Variants in PDE4D observed in about 807,000 individuals in gnomAD.
PDE4D encodes phosphodiesterase 4D.
A neutral mutation model predicts 87.4 loss-of-function variants in PDE4D; 24 were observed. The ratio of observed to expected loss-of-function variants is 0.27; its 90% CI spans 0.20 to 0.39. The LOEUF is 0.39. Ranked by LOEUF, PDE4D falls within the 10% of genes least tolerant of loss-of-function variation. PDE4D has a pLI of 1.00. For missense variants in PDE4D, 714 were observed against 1,041.0 expected (o/e 0.69, Z 4.32); for synonymous variants, 384 against 383.2 (o/e 1.00, Z -0.02).
chr5:59,183,475 T>C (rs562890880), intron 4 of PDE4D, among the ~76,000 whole-genome samples: 3 of 152,312 alleles, frequency 2.0e-5, no homozygotes, highest in Admixed American at 2.0e-4. Flanking sequence ...GCCACAGATT[T>C]AAATGCTGGT....
chr5:59,748,382 C>G (rs1008303881), intron 1 of PDE4D, among the ~76,000 whole-genome samples: 3 of 152,088 alleles, frequency 2.0e-5, no homozygotes, highest in African/African-American at 7.2e-5. Flanking sequence ...TTCACAATAG[C>G]AAAGACTTGG....
Position 58,989,915 on chromosome 5 carries a change from C to T in PDE4D, c.1292G>A (p.Arg431Gln), listed in dbSNP as rs767902478. Residue 431 changes from arginine to glutamine, a missense_variant, in exon 10 of 15, where the codon CGG becomes CAG. Arg to Gln is a conservative substitution (Grantham distance 43). Transcript: ENST00000340635. Reference protein sequence around the residue: ...TVIMHTIFQERDLLKTFKIPV... With the variant: ...TVIMHTIFQEQDLLKTFKIPV... Reference sequence around the variant, plus strand: ...AATTTTAAATGTTTTTAATAAATCCCGTTCCTGTAGGAAAAAAAATCATCT... The same window carrying T: ...AATTTTAAATGTTTTTAATAAATCCTGTTCCTGTAGGAAAAAAAATCATCT... 1.3e-6 allele frequency: 2 copies of T among 1,512,070 alleles called. No individual in the cohort carries two copies. The highest frequency in any genetic ancestry group is 1.8e-6 in the Non-Finnish European group (2 of 1,098,832). The allele number at this position is 1,512,070 out of a possible 1,614,324, so 93.7% of individuals were successfully genotyped here.
intron 5 of PDE4D, chr5:59,039,305 G>T (rs1203793744): frequency 1.9e-6 from 2 of 1,056,414 alleles, no homozygotes; most frequent in Non-Finnish European, 2.3e-6. Flanking sequence ...GCGGGCCCGA[G>T]TCCCAGTCCA....
At chr5:59,159,066 C>A (rs546163971) in intron 5 of PDE4D, among the ~76,000 whole-genome samples, 1 of 152,204 alleles carries the variant, frequency 6.6e-6, no homozygotes, top group South Asian at 2.1e-4. Flanking sequence ...ACAAAAATAC[C>A]ATGTTTGCTG....
At position 59,892,551 on chromosome 5, in the gene PDE4D, CTCCAA is replaced by C. The variant is rs535869420; in HGVS notation, c.455+612_455+616del. Among the ~76,000 whole-genome samples the C allele has an allele frequency of 6.7e-4, 94 of 141,282 alleles. 1 individual carries two copies. The South Asian group carries it at 0.016, about 24-fold the overall frequency. 92.7% of individuals were successfully genotyped at this position (141,282 alleles called of 152,430 possible). A position where few individuals can be genotyped will look rare whatever the true frequency, so the allele number is the denominator to read the frequency against. ...ATTGCTGAACATTTTGCTCCAAACT[CTCCAA>C]GTCACCCACGTGTTCTCCCCTTTTG... is the stretch of plus-strand genomic sequence containing the variant. On this transcript the variant is annotated intron_variant, in intron 1 of 14. Coordinates refer to ENST00000340635, the MANE Select transcript of PDE4D (RefSeq NM_001104631.2).
intron 1 of PDE4D, among the ~76,000 whole-genome samples, chr5:59,479,794 T>A (rs1244087485): frequency 6.6e-6 from 1 of 152,138 alleles, no homozygotes; most frequent in Non-Finnish European, 1.5e-5. Flanking sequence ...CTTGTCCTTT[T>A]CTCACTGTCT....
At chr5:59,404,304 A>G (rs1791214715) in intron 1 of PDE4D, among the ~76,000 whole-genome samples, 1 of 152,020 alleles carries the variant, frequency 6.6e-6, no homozygotes, top group South Asian at 2.1e-4. Flanking sequence ...TTTTAACTTG[A>G]TGTGATCCCA....
intron 1 of PDE4D, among the ~76,000 whole-genome samples, chr5:59,671,551 T>C (rs10062267): frequency 0.037 from 5,706 of 152,254 alleles, 125 homozygotes; most frequent in South Asian, 0.051. Context: ...CTCACACCTG[T>C]AATCCCAACA....
intron 1 of PDE4D, among the ~76,000 whole-genome samples, chr5:59,332,895 G>T (rs1350483524): frequency 6.6e-6 from 1 of 152,140 alleles, no homozygotes; most frequent in East Asian, 1.9e-4. Flanking sequence ...GTAGCCATTT[G>T]CCATCAAGAG....
intron 1 of PDE4D, among the ~76,000 whole-genome samples, chr5:59,403,406 T>G (rs2153615304): frequency 6.6e-6 from 1 of 152,326 alleles, no homozygotes; most frequent in East Asian, 1.9e-4. Flanking sequence ...TTGTTCTATC[T>G]AATTATATTT....
chr5:59,101,247 T>C (rs1318409503), intron 5 of PDE4D, among the ~76,000 whole-genome samples: 1 of 152,178 alleles, frequency 6.6e-6, no homozygotes, highest in African/African-American at 2.4e-5. Context: ...ACTGCCCTTT[T>C]TCATCCATTC....
At chr5:59,314,541 A>T (rs930964283) in intron 1 of PDE4D, 1 of 152,194 alleles carries the variant, frequency 6.6e-6, no homozygotes, top group Non-Finnish European at 1.5e-5. Flanking sequence ...TAATGCAGTC[A>T]TGGACAACAG....
At chr5:59,345,336 C>T (rs909866432) in intron 1 of PDE4D, among the ~76,000 whole-genome samples, 8 of 151,972 alleles carry the variant, frequency 5.3e-5, no homozygotes, top group African/African-American at 7.3e-5. Flanking sequence ...ACTCAAAGTA[C>T]GACATGGAAA....
At chr5:59,149,706 G>GTTTTTTTTTTTTTTTTTT (rs76421367) in intron 5 of PDE4D, among the ~76,000 whole-genome samples, 1 of 69,262 alleles carries the variant, frequency 1.4e-5, no homozygotes. Flanking sequence ...CTCTCCTCGA[G>GTTTTTTTTTTTTTTTTTT]TTTTTTTTTT....
chr5:59,200,240 TGTACAGCTACAC>T (rs1746804445), intron 2 of PDE4D, among the ~76,000 whole-genome samples: 1 of 144,936 alleles, frequency 6.9e-6, no homozygotes, highest in Non-Finnish European at 1.5e-5. Flanking sequence ...CATATGTGTA[TGTACAGCTACAC>T]GTATACATAC....
rs908257386 is a variant in PDE4D, at chr5:60,386,416, C to T, written c.-90+101526G>A. Among the ~76,000 whole-genome samples the T allele has an allele frequency of 1.4e-4, 21 of 152,312 alleles. No homozygotes were observed. In the East Asian group the frequency reaches 3.9e-3, roughly 28 times the overall value. On this transcript the variant is annotated intron_variant, in intron 1 of 16. Coordinates refer to the PDE4D transcript ENST00000502484. ...TGTGACCACATTTCAACCTCTCTAA[C>T]TCAGAGTCTCTTCTATGTGCCTGAC... is the stretch of plus-strand genomic sequence containing the variant.
At position 59,386,691 on chromosome 5, in the gene PDE4D, A is replaced by AAGGG. The variant is rs142788943; in HGVS notation, c.456-170727_456-170724dup. Among the ~76,000 whole-genome samples the AAGGG allele has an allele frequency of 1.0e-3, 143 of 136,316 alleles. 1 individual carries two copies. The East Asian group carries it at 0.02, about 19-fold the overall frequency. The allele number at this position is 136,316 out of a possible 152,430, so 89.4% of individuals were successfully genotyped here. On this transcript the variant is annotated intron_variant, in intron 1 of 14. Transcript: ENST00000340635. ...AAGAAGGGCAGGGCAGCGCAGGAGG[A>AAGGG]AGGGAGGGAGGGAGGGAGGGAGGGA... is the stretch of plus-strand genomic sequence containing the variant.
chr5:59,337,566 CACTT>C (rs1338731769), intron 1 of PDE4D, among the ~76,000 whole-genome samples: 2 of 152,102 alleles, frequency 1.3e-5, no homozygotes, highest in African/African-American at 2.4e-5. Flanking sequence ...ATGATTATCT[CACTT>C]AATCCCCACA....
At chr5:60,107,748 A>T (rs1302225652) in intron 2 of PDE4D, among the ~76,000 whole-genome samples, 2 of 152,188 alleles carry the variant, frequency 1.3e-5, no homozygotes, top group African/African-American at 4.8e-5. Context: ...ACAGAACCGA[A>T]GACAAAAACC....
Sources: gnomAD v4.1 joint callset for allele counts (sites outside exome capture counted in the v4.1 genomes callset) on GRCh38, gnomAD v4.1.1 for gene constraint, MANE v1.5 for transcripts, NCBI Gene and HGNC (gene_info 2026-07-23, HGNC 2026-07-21) for gene names.